SPAST: variants seen among roughly 807,000 people sequenced by gnomAD.
SPAST encodes spastic paraplegia 4 (autosomal dominant; spastin).
SPAST carries 30 observed loss-of-function variants against 76.6 expected under a neutral mutation model. The ratio of observed to expected loss-of-function variants is 0.39; its 90% confidence interval spans 0.29 to 0.53. The LOEUF (loss-of-function observed/expected upper bound fraction) is 0.53. Ranked by LOEUF, SPAST falls within the 20% of genes least tolerant of loss-of-function variation. The pLI, the probability that SPAST is intolerant of heterozygous loss-of-function variation, is 0.68. For missense variants in SPAST, 717 were observed against 770.5 expected (o/e 0.93, Z 0.82); for synonymous variants, 305 against 281.0 (o/e 1.09, Z -0.86).
At position 32,103,769 on chromosome 2, in the gene SPAST, G is replaced by T. The variant is rs147053051; in HGVS notation, c.682+4878G>T. 5.9e-3 allele frequency among the ~76,000 whole-genome samples: 896 copies of T among 152,242 alleles called. 11 individuals are homozygous for T. Among genetic ancestry groups the T allele is most frequent in the African/African-American group, 0.02 (838 of 41,552 alleles). The stretch of plus-strand genomic sequence containing the variant: ...CAGGTTGTTCAGTTTCCATGTAGTT[G>T]TGTGGTTTTGCGTGAGTTTCTTAAT... On this transcript the variant is annotated intron_variant, in intron 4 of 16. Coordinates refer to ENST00000315285, the MANE Select transcript of SPAST (RefSeq NM_014946.4).
intron 4 of SPAST, among the ~76,000 whole-genome samples, chr2:32,103,155 G>T (rs1459958695): frequency 1.3e-5 from 2 of 152,260 alleles, no homozygotes; most frequent in East Asian, 3.9e-4. Context: ...CCTGTTATTG[G>T]TCTATTCAGG....
chr2:32,143,932 G>A (rs1679804411), intron 14 of SPAST, among the ~76,000 whole-genome samples: 2 of 151,856 alleles, frequency 1.3e-5, no homozygotes, highest in African/African-American at 4.8e-5. Context: ...ACTTGTTCTT[G>A]GCATATGCTG....
rs71407417 is a variant in SPAST, at chr2:32,147,345, G to GTTTTTTTTT, written c.1728+104_1728+112dup. 127 of 162,894 alleles carry GTTTTTTTTT rather than the reference G, an allele frequency of 7.8e-4. 8 individuals are homozygous for GTTTTTTTTT. Among genetic ancestry groups the GTTTTTTTTT allele is most frequent in the African/African-American group, 5.7e-3 (100 of 17,426 alleles). 10.1% of individuals were successfully genotyped at this position (162,894 alleles called of 1,614,324 possible). The stretch of plus-strand genomic sequence containing the variant: ...ACATATATGAATGTGTGTGTGTGTG[G>GTTTTTTTTT]TTTTTTTTTTTTTTTTTTTTTTTTT... On this transcript the variant is annotated intron_variant, in intron 16 of 16. Transcript: ENST00000315285.
At chr2:32,147,930 CTT>C (rs71407420) in intron 16 of SPAST, among the ~76,000 whole-genome samples, 16 of 116,428 alleles carry the variant, frequency 1.4e-4, no homozygotes, top group East Asian at 2.7e-4. Context: ...TGCGCCCGGC[CTT>C]TTTTTTTTTT....
At chr2:32,121,428 A>T in intron 7 of SPAST, among the ~76,000 whole-genome samples, 1 of 151,980 alleles carries the variant, frequency 6.6e-6, no homozygotes, top group East Asian at 1.9e-4. Context: ...GGCATGAGCC[A>T]CTGCGCCCAG....
At chr2:32,065,251 C>G (rs1246720096) in intron 1 of SPAST, among the ~76,000 whole-genome samples, 2 of 152,086 alleles carry the variant, frequency 1.3e-5, no homozygotes, top group Non-Finnish European at 2.9e-5. Flanking sequence ...ATCTCCTGAC[C>G]TCGTGATCGG....
intron 7 of SPAST, among the ~76,000 whole-genome samples, chr2:32,123,892 C>T (rs773929922): frequency 2.6e-5 from 4 of 151,930 alleles, no homozygotes; most frequent in Non-Finnish European, 5.9e-5. Context: ...CTAAATGTAA[C>T]ATGCGAACTG....
At chr2:32,096,904 A>G (rs1052455999) in intron 3 of SPAST, among the ~76,000 whole-genome samples, 14 of 151,874 alleles carry the variant, frequency 9.2e-5, no homozygotes, top group African/African-American at 3.1e-4. Context: ...CCTCCAAGGT[A>G]TATTGTATCA....
chr2:32,105,157 A>G (rs975521825), intron 4 of SPAST, among the ~76,000 whole-genome samples: 29 of 151,478 alleles, frequency 1.9e-4, no homozygotes, highest in African/African-American at 7.0e-4. Flanking sequence ...GTTTCCTTTT[A>G]CTCTTTTTTC....
Position 32,105,321 on chromosome 2 carries a change from C to T in SPAST, c.682+6430C>T, listed in dbSNP as rs982432782. On this transcript the variant is annotated intron_variant, in intron 4 of 16. Transcript: ENST00000315285. ...GCTCCATCAGGCCATTTAAGGTCTT[C>T]TCCATGCTGTTTATTCTAGTTAGCC... Among the ~76,000 whole-genome samples, 15 of 152,310 alleles carry T rather than the reference C, an allele frequency of 9.8e-5. 1 individual carries two copies. Among genetic ancestry groups the T allele is most frequent in the Middle Eastern group, 6.8e-3 (2 of 294 alleles).
At chr2:32,125,385 A>G (rs1004056231) in intron 7 of SPAST, among the ~76,000 whole-genome samples, 3 of 151,684 alleles carry the variant, frequency 2.0e-5, no homozygotes, top group Non-Finnish European at 2.9e-5. Flanking sequence ...CACCACGCCC[A>G]GCTAATTTTG....
intron 4 of SPAST, among the ~76,000 whole-genome samples, chr2:32,112,187 A>G (rs1678641069): frequency 6.6e-6 from 1 of 151,358 alleles, no homozygotes; most frequent in South Asian, 2.1e-4. Context: ...TCCTGACCTC[A>G]GATGGACCAC....
intron 10 of SPAST, 90 bp downstream of exon 10, chr2:32,136,728 A>T (rs1679548165): frequency 7.5e-7 from 1 of 1,339,436 alleles, no homozygotes; most frequent in Admixed American, 1.7e-5. Flanking sequence ...ATTATTCAGA[A>T]GGAAGAAGTT....
chr2:32,129,336 G>C (rs1183214024), intron 9 of SPAST: 2 of 150,660 alleles, frequency 1.3e-5, no homozygotes, highest in Non-Finnish European at 2.9e-5. Context: ...CAATCCTCCT[G>C]CCTCGGACTC....
chr2:32,101,631 C>T (rs1678129906), intron 4 of SPAST, among the ~76,000 whole-genome samples: 1 of 152,042 alleles, frequency 6.6e-6, no homozygotes, highest in African/African-American at 2.4e-5. Context: ...GTCTTTAATC[C>T]ATCTTGAATT....
intron 7 of SPAST, among the ~76,000 whole-genome samples, chr2:32,117,645 C>T (rs994428613): frequency 3.3e-5 from 5 of 150,518 alleles, no homozygotes; most frequent in East Asian, 2.0e-4. Context: ...GATTCTCATG[C>T]CTCATCCTCC....
intron 12 of SPAST, among the ~76,000 whole-genome samples, chr2:32,141,364 G>C (rs1213029159): frequency 1.3e-5 from 2 of 152,178 alleles, no homozygotes; most frequent in African/African-American, 4.8e-5. Context: ...TCATATGCTT[G>C]TTTAAATGTG....
chr2:32,117,929 A>G (rs1487501609), intron 7 of SPAST, among the ~76,000 whole-genome samples: 1 of 152,164 alleles, frequency 6.6e-6, no homozygotes, highest in Non-Finnish European at 1.5e-5. Context: ...CTTCCATCCC[A>G]TATTTTATGA....
At chr2:32,146,826 T>C (rs1395118790) in intron 15 of SPAST, among the ~76,000 whole-genome samples, 1 of 116,132 alleles carries the variant, frequency 8.6e-6, no homozygotes, top group Non-Finnish European at 1.6e-5. Context: ...CACTGCAGCC[T>C]GGGCAACAGA....
Sources: allele counts gnomAD v4.1 joint callset (sites outside exome capture counted in the v4.1 genomes callset), GRCh38; gene constraint gnomAD v4.1.1; transcripts MANE v1.5; gene names NCBI Gene and HGNC (gene_info 2026-07-23, HGNC 2026-07-21).